Variants in DLG2 observed in about 807,000 individuals in gnomAD.
DLG2 encodes discs large MAGUK scaffold protein 2, also known as disks large homolog 2.
A neutral mutation model predicts 132.5 loss-of-function variants in DLG2; 45 were observed. The observed-to-expected ratio is 0.34, with a 90% CI of 0.27 to 0.44. The LOEUF (loss-of-function observed/expected upper bound fraction) is 0.44. DLG2 is among the 20% of genes least tolerant of loss of function. DLG2 has a pLI of 1.00. For missense variants in DLG2, 1,045 were observed against 1,196.9 expected, an observed-to-expected ratio of 0.87 and a Z score of 1.87; for synonymous variants, 424 against 419.6, an observed-to-expected ratio of 1.01 and a Z score of -0.13.
At chr11:85,122,499 G>C (rs2074438883) in intron 5 of DLG2, among the ~76,000 whole-genome samples, 1 of 152,180 alleles carries the variant, frequency 6.6e-6, no homozygotes, top group South Asian at 2.1e-4. Flanking sequence ...TGGGATCTGA[G>C]ATAGGCAGTT....
At chr11:85,544,439 T>C (rs2153213384) in intron 3 of DLG2, among the ~76,000 whole-genome samples, 1 of 152,352 alleles carries the variant, frequency 6.6e-6, no homozygotes, top group Non-Finnish European at 1.5e-5. Context: ...GCTACCAGCT[T>C]TGTCCTTTTT....
chr11:85,275,671 C>T (rs1331246465), intron 4 of DLG2, among the ~76,000 whole-genome samples: 1 of 152,010 alleles, frequency 6.6e-6, no homozygotes. Flanking sequence ...AAAAAAAAGT[C>T]CATACTTTTA....
At chr11:85,516,236 A>T (rs1475137734) in intron 3 of DLG2, among the ~76,000 whole-genome samples, 2 of 152,076 alleles carry the variant, frequency 1.3e-5, no homozygotes. Context: ...TGTAAATTTA[A>T]AAACTTTTGG....
intron 6 of DLG2, among the ~76,000 whole-genome samples, chr11:84,924,202 G>C (rs1404757632): frequency 1.3e-5 from 2 of 152,064 alleles, no homozygotes; most frequent in East Asian, 3.9e-4. Context: ...TAATCAAAAG[G>C]ACAAAGTACA....
chr11:84,604,114 T>C (rs1430402567), intron 6 of DLG2, among the ~76,000 whole-genome samples: 4 of 151,958 alleles, frequency 2.6e-5, no homozygotes, highest in Admixed American at 6.6e-5. Context: ...ATAAGGATAG[T>C]GTATCTAAGC....
intron 9 of DLG2, among the ~76,000 whole-genome samples, chr11:84,144,859 A>C (rs2095012585): frequency 6.6e-6 from 1 of 152,228 alleles, no homozygotes; most frequent in African/African-American, 2.4e-5. Flanking sequence ...CTACAGAAAT[A>C]TAGAGCCAAA....
intron 6 of DLG2, among the ~76,000 whole-genome samples, chr11:84,702,078 T>G (rs60214163): frequency 0.1 from 15,874 of 151,688 alleles, 961 homozygotes; most frequent in African/African-American, 0.14. Flanking sequence ...AAAATAGTAT[T>G]GAATACATAT....
chr11:83,527,661 T>C (rs1317540254), intron 21 of DLG2, among the ~76,000 whole-genome samples: 1 of 152,124 alleles, frequency 6.6e-6, no homozygotes, highest in East Asian at 1.9e-4. Flanking sequence ...CAAGGATAAA[T>C]AGGATGATTT....
At chr11:84,933,977 C>G (rs1332434924) in intron 6 of DLG2, among the ~76,000 whole-genome samples, 2 of 152,152 alleles carry the variant, frequency 1.3e-5, no homozygotes, top group Non-Finnish European at 2.9e-5. Flanking sequence ...TTTGCCCATT[C>G]AGTACGATGT....
chr11:83,802,252 C>T (rs2044622930), intron 17 of DLG2, among the ~76,000 whole-genome samples: 1 of 152,134 alleles, frequency 6.6e-6, no homozygotes, highest in Non-Finnish European at 1.5e-5. Context: ...ACCTCCACTT[C>T]ATCCAAGCCT....
chr11:84,798,229 G>T (rs942816799), intron 6 of DLG2, among the ~76,000 whole-genome samples: 1 of 152,122 alleles, frequency 6.6e-6, no homozygotes. Flanking sequence ...AGATGGCAAA[G>T]CCATTCAGGT....
In DLG2 at chr11:83,456,906, G is replaced by A. The variant is rs1258904512; in HGVS notation, c.*2912C>T. On this transcript the variant is annotated 3_prime_UTR_variant, in exon 28 of 28. Transcript: ENST00000376104. ...GGGAAAAAAGGCCTGCAAATAAATA[G>A]CCAAGAAATCCCGCAAAAGGCCTGC... 6.6e-6 allele frequency: 1 copy of A among 152,572 alleles called. No individual in the cohort carries two copies. Among genetic ancestry groups the A allele is most frequent in the Non-Finnish European group, 1.5e-5 (1 of 68,018 alleles). 9.5% of individuals were successfully genotyped at this position (152,572 alleles called of 1,614,324 possible). A position where few individuals can be genotyped will look rare whatever the true frequency, so the allele number is the denominator to read the frequency against.
chr11:83,486,909 G>C (rs1270390635), intron 21 of DLG2, among the ~76,000 whole-genome samples: 1 of 152,006 alleles, frequency 6.6e-6, no homozygotes, highest in Non-Finnish European at 1.5e-5. Flanking sequence ...GGTTTATAAT[G>C]CTTTAACAGT....
intron 25 of DLG2, among the ~76,000 whole-genome samples, chr11:83,467,898 C>T (rs1174821817): frequency 6.9e-6 from 1 of 144,420 alleles, no homozygotes; most frequent in Non-Finnish European, 1.5e-5. Context: ...GAGAGAAAGG[C>T]TTGCATGAGG....
At chr11:83,707,186 G>A (rs537681962) in intron 18 of DLG2, among the ~76,000 whole-genome samples, 3 of 152,260 alleles carry the variant, frequency 2.0e-5, no homozygotes, top group Admixed American at 6.5e-5. Context: ...CAGAGCCCTA[G>A]AACAACACTG....
intron 7 of DLG2, among the ~76,000 whole-genome samples, chr11:84,346,606 T>G (rs1339091309): frequency 6.6e-6 from 1 of 152,082 alleles, no homozygotes; most frequent in Non-Finnish European, 1.5e-5. Flanking sequence ...TGAAATGGAG[T>G]CTTGCTGTGT....
At chr11:84,851,695 T>C (rs1314798834) in intron 6 of DLG2, among the ~76,000 whole-genome samples, 2 of 152,016 alleles carry the variant, frequency 1.3e-5, no homozygotes, top group Non-Finnish European at 2.9e-5. Flanking sequence ...TCTCATTTGG[T>C]GTGAGTAAAT....
intron 6 of DLG2, among the ~76,000 whole-genome samples, chr11:84,711,474 T>A (rs952091630): frequency 2.4e-5 from 3 of 127,042 alleles, no homozygotes; most frequent in Non-Finnish European, 4.7e-5. Context: ...TGTCCCAAGG[T>A]CAGCAGTCAG....
intron 18 of DLG2, among the ~76,000 whole-genome samples, chr11:83,763,518 T>A (rs537601623): frequency 6.6e-6 from 1 of 152,190 alleles, no homozygotes; most frequent in African/African-American, 2.4e-5. Flanking sequence ...CATAAATGCA[T>A]AGAAAAACCC....
Sources: allele counts gnomAD v4.1 joint callset (sites outside exome capture counted in the v4.1 genomes callset), GRCh38; gene constraint gnomAD v4.1.1; transcripts MANE v1.5; gene names NCBI Gene and HGNC (gene_info 2026-07-23, HGNC 2026-07-21).